The following CNTN1 variants were observed in gnomAD, a reference collection of about 807,000 sequenced individuals.
CNTN1 encodes contactin-1.
A neutral mutation model predicts 126.4 loss-of-function variants in CNTN1; 38 were observed. That is an observed-to-expected ratio of 0.30 (90% CI 0.23 to 0.39). CNTN1 has a LOEUF of 0.39. Among genes scored for constraint, CNTN1 ranks in the 10% least tolerant of loss-of-function variants. The probability of loss-of-function intolerance (pLI) is 1.00; values close to 1 mark genes in which losing one functional copy is unlikely to be tolerated. For missense variants in CNTN1, 1,009 were observed against 1,248.4 expected, an observed-to-expected ratio of 0.81 and a Z score of 2.89; for synonymous variants, 413 against 422.6, an observed-to-expected ratio of 0.98 and a Z score of 0.28.
At chr12:40,730,964 T>C (rs1380648841) in intron 1 of CNTN1, among the ~76,000 whole-genome samples, 3 of 152,020 alleles carry the variant, frequency 2.0e-5, no homozygotes, top group Non-Finnish European at 4.4e-5. Flanking sequence ...TCAAAAAAGA[T>C]ATTATGCAAC....
rs1947530537 is a variant in CNTN1, at chr12:40,972,013, T to C, written c.1805-8896T>C. The C allele has an allele frequency of 6.1e-6, 6 of 986,936 alleles. No homozygotes were observed. In the African/African-American group the frequency reaches 8.7e-5, roughly 14 times the overall value. 61.1% of individuals were successfully genotyped at this position (986,936 alleles called of 1,614,324 possible). On this transcript the variant is annotated intron_variant, in intron 15 of 23. Coordinates refer to ENST00000551295, the MANE Select transcript of CNTN1 (RefSeq NM_001843.4). The stretch of plus-strand genomic sequence containing the variant: ...TCTTTTTTTCTTAATCCTAGTACCA[T>C]ACATATTCTTTGGCATGAAAGAATG...
intron 1 of CNTN1, among the ~76,000 whole-genome samples, chr12:40,810,655 A>G (rs916047684): frequency 6.6e-6 from 1 of 151,154 alleles, no homozygotes; most frequent in African/African-American, 2.4e-5. Flanking sequence ...CTTTCTGTGT[A>G]TGACACTTCA....
At chr12:40,731,924 A>G (rs1432753521) in intron 1 of CNTN1, among the ~76,000 whole-genome samples, 1 of 152,012 alleles carries the variant, frequency 6.6e-6, no homozygotes, top group Admixed American at 6.6e-5. Context: ...TAAGCACATA[A>G]CATGCATGTA....
chr12:40,924,970 A>C (rs1945592477), intron 6 of CNTN1, among the ~76,000 whole-genome samples: 1 of 148,608 alleles, frequency 6.7e-6, no homozygotes. Context: ...TATTCCTGAA[A>C]TAGAACAGTA....
At chr12:40,988,033 A>G (rs1489467691) in intron 16 of CNTN1, among the ~76,000 whole-genome samples, 1 of 151,052 alleles carries the variant, frequency 6.6e-6, no homozygotes, top group Non-Finnish European at 1.5e-5. Flanking sequence ...TATTTCCCTT[A>G]GAGAAGGATC....
chr12:40,906,139 T>C (rs943383897), intron 1 of CNTN1, among the ~76,000 whole-genome samples: 7 of 151,982 alleles, frequency 4.6e-5, no homozygotes, highest in African/African-American at 1.4e-4. Context: ...GGCGTGGTGG[T>C]GGGTGCCTGT....
At chr12:40,930,481 A>AT in intron 7 of CNTN1, among the ~76,000 whole-genome samples, 1 of 152,094 alleles carries the variant, frequency 6.6e-6, no homozygotes, top group South Asian at 2.1e-4. Flanking sequence ...GGTCTTTTCT[A>AT]ATCTACATAA....
intron 1 of CNTN1, among the ~76,000 whole-genome samples, chr12:40,871,080 A>G (rs1398093675): frequency 2.6e-5 from 4 of 151,508 alleles, no homozygotes; most frequent in Non-Finnish European, 5.9e-5. Context: ...CCCTGGAATA[A>G]TCCTAACTAA....
intron 23 of CNTN1, among the ~76,000 whole-genome samples, chr12:41,037,915 T>C (rs1268722650): frequency 1.3e-5 from 2 of 152,186 alleles, no homozygotes; most frequent in Non-Finnish European, 2.9e-5. Context: ...CCCAGCACTT[T>C]GGGAGGCCAA....
chr12:40,914,991 A>G (rs774865227), intron 3 of CNTN1, among the ~76,000 whole-genome samples: 7 of 152,088 alleles, frequency 4.6e-5, no homozygotes, highest in Non-Finnish European at 8.8e-5. Context: ...ATAATTTTCA[A>G]TGAAAATTTT....
chr12:40,848,523 G>A lies in CNTN1; in HGVS notation c.-76-59834G>A, dbSNP rs116228265. On this transcript the variant is annotated intron_variant, in intron 1 of 23. Coordinates refer to ENST00000551295, the MANE Select transcript of CNTN1 (RefSeq NM_001843.4). ...TGAGTTAGCATCTAGCCCCTCACTTGTTTTGAATGAGTCAAGAGATTCAGA... is the reference window on the plus strand; with the variant it reads ...TGAGTTAGCATCTAGCCCCTCACTTATTTTGAATGAGTCAAGAGATTCAGA... 9.1e-3 allele frequency among the ~76,000 whole-genome samples: 1,381 copies of A among 152,246 alleles called. 21 individuals carry two copies. Among genetic ancestry groups the A allele is most frequent in the African/African-American group, 0.032 (1,313 of 41,546 alleles).
intron 16 of CNTN1, among the ~76,000 whole-genome samples, chr12:40,991,531 T>C (rs1948094954): frequency 6.6e-6 from 1 of 151,978 alleles, no homozygotes; most frequent in African/African-American, 2.4e-5. Flanking sequence ...AAGTGTCCAG[T>C]AAAAAAGGGC....
intron 23 of CNTN1, among the ~76,000 whole-genome samples, chr12:41,044,458 G>A (rs1338185313): frequency 6.6e-6 from 1 of 152,082 alleles, no homozygotes; most frequent in East Asian, 1.9e-4. Flanking sequence ...AAGTAGAGAG[G>A]AATATTTAAG....
At chr12:40,836,578 A>G (rs1205581750) in intron 1 of CNTN1, among the ~76,000 whole-genome samples, 2 of 152,290 alleles carry the variant, frequency 1.3e-5, no homozygotes, top group South Asian at 4.1e-4. Flanking sequence ...AGTATGTACA[A>G]TAAGTGCATA....
intron 1 of CNTN1, among the ~76,000 whole-genome samples, chr12:40,899,350 G>A (rs1592224472): frequency 6.6e-6 from 1 of 152,098 alleles, no homozygotes; most frequent in Non-Finnish European, 1.5e-5. Flanking sequence ...GGTCATTATC[G>A]TCCAATAAGA....
chr12:40,890,210 G>A (rs1370685569), intron 1 of CNTN1, among the ~76,000 whole-genome samples: 2 of 152,092 alleles, frequency 1.3e-5, no homozygotes, highest in East Asian at 3.9e-4. Context: ...AGAGTTTTAG[G>A]TTTACAGCAA....
intron 1 of CNTN1, among the ~76,000 whole-genome samples, chr12:40,887,119 C>T (rs1292483542): frequency 1.3e-5 from 2 of 151,912 alleles, no homozygotes; most frequent in African/African-American, 4.8e-5. Context: ...TCATTGGTAG[C>T]TTGATGGGGA....
At chr12:40,722,914 G>A (rs1942254945) in intron 1 of CNTN1, among the ~76,000 whole-genome samples, 1 of 152,054 alleles carries the variant, frequency 6.6e-6, no homozygotes, top group South Asian at 2.1e-4. Context: ...CCTATGTAAA[G>A]GAAAGGTGTT....
At chr12:41,014,720 G>A (rs921915594) in intron 18 of CNTN1, among the ~76,000 whole-genome samples, 1 of 152,192 alleles carries the variant, frequency 6.6e-6, no homozygotes, top group African/African-American at 2.4e-5. Flanking sequence ...GATCACTGGT[G>A]TAATCTAGCA....
Sources: allele counts gnomAD v4.1 joint callset (sites outside exome capture counted in the v4.1 genomes callset), GRCh38; gene constraint gnomAD v4.1.1; transcripts MANE v1.5; gene names NCBI Gene and HGNC (gene_info 2026-07-23, HGNC 2026-07-21).